LSAMP: variants seen among roughly 807,000 people sequenced by gnomAD.
LSAMP encodes the protein limbic system-associated membrane protein.
In LSAMP, 7 loss-of-function variants were observed where a neutral mutation model predicts 38.6. The observed-to-expected ratio is 0.18, with a 90% CI of 0.10 to 0.34. The LOEUF is 0.34. LSAMP is among the 10% of genes least tolerant of loss of function. LSAMP has a pLI of 1.00. For missense variants in LSAMP, 313 were observed against 420.0 expected (o/e 0.75, Z 2.23); for synonymous variants, 154 against 166.8 (o/e 0.92, Z 0.59).
chr3:116,204,567 T>C (rs1441479992), intron 1 of LSAMP, among the ~76,000 whole-genome samples: 1 of 151,660 alleles, frequency 6.6e-6, no homozygotes, highest in Non-Finnish European at 1.5e-5. Flanking sequence ...CCATCTTGAA[T>C]TGATTTTTGT....
chr3:116,370,293 A>C (rs935522801), intron 1 of LSAMP, among the ~76,000 whole-genome samples: 2 of 152,194 alleles, frequency 1.3e-5, no homozygotes, highest in Non-Finnish European at 2.9e-5. Flanking sequence ...AACAAGAACA[A>C]GAATTTAGTA....
At chr3:116,044,176 A>G (rs909736786) in intron 2 of LSAMP, among the ~76,000 whole-genome samples, 3 of 152,324 alleles carry the variant, frequency 2.0e-5, no homozygotes, top group South Asian at 2.1e-4. Flanking sequence ...TGTGTTGAGT[A>G]CACAGAGAAA....
chr3:116,421,046 A>T (rs765389859), intron 1 of LSAMP, among the ~76,000 whole-genome samples: 2 of 152,240 alleles, frequency 1.3e-5, no homozygotes, highest in Non-Finnish European at 2.9e-5. Context: ...AATGGATCAT[A>T]GACCCAAATG....
At position 116,086,502 on chromosome 3, in the gene LSAMP, G is replaced by A; in HGVS notation, c.210C>T (p.Ile70=). The A allele has an allele frequency of 1.2e-6, 2 of 1,614,162 alleles. No individual in the cohort carries two copies. Among genetic ancestry groups the A allele is most frequent in the South Asian group, 1.1e-5 (1 of 91,088 alleles). ...ACCACTTGTCATGTCCAGCAAAAAT[G>A]ATGCCAGAACGGTTCAACCAGGCCA... The part of the protein sequence containing the change: ...SKVAWLNRSG[I]IFAGHDKWSL... Residue 70 remains isoleucine (I), a synonymous_variant, in exon 2 of 7, where the codon ATC becomes ATT. Transcript: ENST00000490035.
intron 2 of LSAMP, among the ~76,000 whole-genome samples, chr3:116,034,611 G>A (rs1941007270): frequency 6.6e-6 from 1 of 152,242 alleles, no homozygotes; most frequent in Admixed American, 6.5e-5. Context: ...AAATTACAAG[G>A]AAACAATACT....
chr3:116,212,758 A>C (rs2046174340), intron 1 of LSAMP, among the ~76,000 whole-genome samples: 1 of 152,168 alleles, frequency 6.6e-6, no homozygotes, highest in South Asian at 2.1e-4. Context: ...GTTGGGTGAG[A>C]GTATAATAAC....
intron 1 of LSAMP, among the ~76,000 whole-genome samples, chr3:116,320,318 CA>C (rs1416307392): frequency 1.3e-5 from 2 of 152,070 alleles, no homozygotes; most frequent in African/African-American, 4.8e-5. Context: ...GAGCCTGAGG[CA>C]GGAGAACTGC....
intron 3 of LSAMP, among the ~76,000 whole-genome samples, chr3:115,898,611 A>ATC (rs1936789591): frequency 6.7e-6 from 1 of 150,146 alleles, no homozygotes; most frequent in Admixed American, 6.6e-5. Flanking sequence ...ATATATATAT[A>ATC]TATATATATA....
At chr3:116,295,195 G>C (rs1038527386) in intron 1 of LSAMP, among the ~76,000 whole-genome samples, 1 of 152,194 alleles carries the variant, frequency 6.6e-6, no homozygotes, top group African/African-American at 2.4e-5. Flanking sequence ...ACTCGAGGGG[G>C]AATCATACAT....
At chr3:116,038,343 A>G (rs934076352) in intron 2 of LSAMP, among the ~76,000 whole-genome samples, 1 of 152,170 alleles carries the variant, frequency 6.6e-6, no homozygotes, top group Non-Finnish European at 1.5e-5. Context: ...CCTGATTGGA[A>G]CATCAGAAAT....
At chr3:115,956,428 C>A (rs1041923124) in intron 3 of LSAMP, among the ~76,000 whole-genome samples, 4 of 151,950 alleles carry the variant, frequency 2.6e-5, no homozygotes, top group Non-Finnish European at 5.9e-5. Context: ...TCTGACATGG[C>A]AGATTGACAC....
intron 1 of LSAMP, among the ~76,000 whole-genome samples, chr3:116,289,416 T>A (rs2047234788): frequency 6.6e-6 from 1 of 152,148 alleles, no homozygotes; most frequent in African/African-American, 2.4e-5. Flanking sequence ...TAGAACAAAT[T>A]TTTTTTTCAA....
chr3:116,297,384 A>G (rs761544677), intron 1 of LSAMP, among the ~76,000 whole-genome samples: 1 of 152,216 alleles, frequency 6.6e-6, no homozygotes, highest in East Asian at 1.9e-4. Flanking sequence ...CCTAGCTGAC[A>G]TCAGAGGTAT....
intron 1 of LSAMP, among the ~76,000 whole-genome samples, chr3:116,150,027 T>G (rs953312279): frequency 6.6e-6 from 1 of 152,100 alleles, no homozygotes; most frequent in Non-Finnish European, 1.5e-5. Context: ...CAAGTTCAAT[T>G]ATTAGATGAC....
intron 3 of LSAMP, among the ~76,000 whole-genome samples, chr3:115,873,531 T>C (rs1425782274): frequency 6.6e-6 from 1 of 152,074 alleles, no homozygotes; most frequent in South Asian, 2.1e-4. Context: ...AAATATGAGC[T>C]ATTTAGTAAT....
chr3:116,297,975 T>C (rs1234380862), intron 1 of LSAMP, among the ~76,000 whole-genome samples: 1 of 152,198 alleles, frequency 6.6e-6, no homozygotes, highest in African/African-American at 2.4e-5. Flanking sequence ...TTCCTGCTTC[T>C]TGGCTCTATC....
intron 2 of LSAMP, among the ~76,000 whole-genome samples, chr3:116,032,695 C>G (rs1159496090): frequency 6.6e-6 from 1 of 152,010 alleles, no homozygotes; most frequent in South Asian, 2.1e-4. Context: ...CCTAGCTCTT[C>G]AGGAGGTTGA....
intron 1 of LSAMP, among the ~76,000 whole-genome samples, chr3:116,247,222 T>G (rs1300495480): frequency 6.6e-6 from 1 of 152,184 alleles, no homozygotes; most frequent in Non-Finnish European, 1.5e-5. Context: ...TTAAGTTGCT[T>G]CTGTTAATGT....
In LSAMP at chr3:116,270,099, A is replaced by G. The variant is rs542276843; in HGVS notation, c.155+174778T>C. ...TTTACTTGCCTTATTCATAAAATAA[A>G]ATGTTATTTTCTTTGGTTTTATTTT... is the stretch of plus-strand genomic sequence containing the variant. On this transcript the variant is annotated intron_variant, in intron 1 of 6. Coordinates refer to ENST00000490035, the MANE Select transcript of LSAMP (RefSeq NM_002338.5). 2.0e-5 allele frequency among the ~76,000 whole-genome samples: 3 copies of G among 152,326 alleles called. No homozygotes were observed. The East Asian group carries it at 5.8e-4, about 29-fold the overall frequency.
Sources: gnomAD v4.1 joint callset for allele counts (sites outside exome capture counted in the v4.1 genomes callset) on GRCh38, gnomAD v4.1.1 for gene constraint, MANE v1.5 for transcripts, NCBI Gene and HGNC (gene_info 2026-07-23, HGNC 2026-07-21) for gene names.